PDE11A: variants seen among roughly 807,000 people sequenced by gnomAD.
PDE11A encodes phosphodiesterase 11A.
Under a neutral mutation model 100.5 loss-of-function variants are expected in PDE11A, and 100 were observed. The ratio of observed to expected loss-of-function variants is 1.00; its 90% CI spans 0.85 to 1.18. The LOEUF is 1.18. Ranked by LOEUF, PDE11A falls within the 50% of genes most tolerant of loss-of-function variation. PDE11A has a pLI of 0.00. For synonymous variants in PDE11A, 381 were observed against 420.8 expected, an observed-to-expected ratio of 0.91 and a Z score of 1.16; for missense variants, 1,141 against 1,152.6, an observed-to-expected ratio of 0.99 and a Z score of 0.15.
intron 12 of PDE11A, among the ~76,000 whole-genome samples, chr2:177,713,739 C>A (rs2081390818): frequency 6.6e-6 from 1 of 151,846 alleles, no homozygotes; most frequent in Non-Finnish European, 1.5e-5. Context: ...AACAAACAAA[C>A]AAACAAAAAA....
At chr2:177,636,329 T>C (rs1470578708) in intron 19 of PDE11A, among the ~76,000 whole-genome samples, 3 of 152,182 alleles carry the variant, frequency 2.0e-5, no homozygotes, top group Non-Finnish European at 4.4e-5. Flanking sequence ...ATCATAATCA[T>C]GTTGTCCAGA....
chr2:177,675,726 A>C, intron 16 of PDE11A: 1 of 689,030 alleles, frequency 1.5e-6, no homozygotes, highest in Non-Finnish European at 2.7e-6. Context: ...CAAAGCTCTC[A>C]CACATCCTCT....
At chr2:177,664,009 T>C in intron 18 of PDE11A, 60 bp from the exon 19 acceptor site, 1 of 1,005,758 alleles carries the variant, frequency 9.9e-7, no homozygotes, top group Non-Finnish European at 1.6e-6. Context: ...ACAGGGTGCT[T>C]TGTCAAACAC....
chr2:178,006,900 G>C (rs570226925), intron 2 of PDE11A, among the ~76,000 whole-genome samples: 2 of 152,154 alleles, frequency 1.3e-5, no homozygotes, highest in South Asian at 4.2e-4. Flanking sequence ...AATAAAGAAT[G>C]AAAGTATGCT....
At chr2:178,011,226 T>TC (rs2086270532) in intron 2 of PDE11A, among the ~76,000 whole-genome samples, 1 of 152,012 alleles carries the variant, frequency 6.6e-6, no homozygotes, top group African/African-American at 2.4e-5. Context: ...TGGCTCTGAG[T>TC]TGTAAGTATG....
chr2:177,685,500 C>T lies in PDE11A; in HGVS notation c.2346-4597G>A, dbSNP rs185384085. On this transcript the variant is annotated intron_variant, in intron 15 of 19. Coordinates refer to ENST00000286063, the MANE Select transcript of PDE11A (RefSeq NM_016953.4). Reference sequence around the variant, plus strand: ...TAACATCTTTGATGCAGAGTGAAAGCATGTTCCCTGTGTGACTAACTCATT... The same window carrying T: ...TAACATCTTTGATGCAGAGTGAAAGTATGTTCCCTGTGTGACTAACTCATT... Among the ~76,000 whole-genome samples, 333 of 152,278 alleles carry T rather than the reference C, an allele frequency of 2.2e-3. 2 individuals carry two copies. The highest frequency in any genetic ancestry group is 7.5e-3 in the African/African-American group (313 of 41,566).
intron 2 of PDE11A, among the ~76,000 whole-genome samples, chr2:177,960,919 G>T (rs1047975834): frequency 1.3e-4 from 20 of 152,120 alleles, no homozygotes; most frequent in African/African-American, 4.8e-4. Flanking sequence ...AGTTGATGCA[G>T]AACCACCGTC....
chr2:177,841,512 G>A (rs578201070), intron 5 of PDE11A, among the ~76,000 whole-genome samples: 27 of 152,238 alleles, frequency 1.8e-4, no homozygotes, highest in African/African-American at 6.0e-4. Context: ...TGTGCACATC[G>A]TCTTTGTTAT....
chr2:177,769,244 T>C (rs1176729014), intron 10 of PDE11A, 79 bp downstream of exon 10: 12 of 834,202 alleles, frequency 1.4e-5, no homozygotes, highest in Non-Finnish European at 2.1e-5. Flanking sequence ...ATTAATTCTC[T>C]AGAGGCATGT....
intron 19 of PDE11A, among the ~76,000 whole-genome samples, chr2:177,638,719 CT>C (rs370410435): frequency 2.0e-5 from 3 of 151,150 alleles, no homozygotes; most frequent in African/African-American, 2.4e-5. Context: ...CCAAAGCAGC[CT>C]TTTTTTTTGT....
intron 2 of PDE11A, among the ~76,000 whole-genome samples, chr2:177,928,616 A>G (rs2085163337): frequency 6.6e-6 from 1 of 152,240 alleles, no homozygotes; most frequent in Non-Finnish European, 1.5e-5. Flanking sequence ...AACTTTGTTT[A>G]AAATAACAGA....
At chr2:177,945,766 C>T (rs1318107799) in intron 2 of PDE11A, among the ~76,000 whole-genome samples, 43 of 150,252 alleles carry the variant, frequency 2.9e-4, no homozygotes, top group African/African-American at 8.3e-4. Context: ...CTGCCCCATC[C>T]GGGAGGGAGG....
intron 12 of PDE11A, among the ~76,000 whole-genome samples, chr2:177,720,940 C>T (rs1209796450): frequency 1.3e-5 from 2 of 152,066 alleles, no homozygotes; most frequent in Non-Finnish European, 2.9e-5. Context: ...ACCCTTTAGC[C>T]TCAACTACGG....
At chr2:177,637,994 T>C (rs867037967) in intron 19 of PDE11A, among the ~76,000 whole-genome samples, 22 of 50,274 alleles carry the variant, frequency 4.4e-4, no homozygotes, top group South Asian at 2.2e-3. Context: ...TATATATATA[T>C]ATATTTTTTT....
In PDE11A at chr2:177,958,495, G is replaced by A. The variant is rs547447685; in HGVS notation, c.1072-53308C>T. 3.9e-5 allele frequency among the ~76,000 whole-genome samples: 6 copies of A among 152,316 alleles called. No homozygotes were observed. In the South Asian group the frequency reaches 1.2e-3, roughly 32 times the overall value. On this transcript the variant is annotated intron_variant, in intron 2 of 19. Coordinates refer to ENST00000286063, the MANE Select transcript of PDE11A (RefSeq NM_016953.4). ...TACCTACAAATGGAAATAAGATAAGGCTGAGAGGGGTAAGTTATTCCCTTG... is the reference window on the plus strand; with the variant it reads ...TACCTACAAATGGAAATAAGATAAGACTGAGAGGGGTAAGTTATTCCCTTG...
rs1194994900 is a variant in PDE11A, at chr2:177,801,534, A to C, written c.1737+15295T>G. 2.6e-5 allele frequency among the ~76,000 whole-genome samples: 4 copies of C among 152,184 alleles called. No individual in the cohort carries two copies. The East Asian group carries it at 7.7e-4, about 29-fold the overall frequency. ...AATTTAAGCCCACATTGGAGTTAAT[A>C]AATATTTTTTAAATGCAAGAGCTCA... On this transcript the variant is annotated intron_variant, in intron 9 of 19. Transcript: ENST00000286063.
chr2:178,034,500 G>C (rs1488284015), intron 1 of PDE11A, among the ~76,000 whole-genome samples: 4 of 152,132 alleles, frequency 2.6e-5, no homozygotes, highest in Admixed American at 2.6e-4. Context: ...TTCAGGACTT[G>C]AACTCGGCTA....
chr2:177,728,813 A>C (rs1191215387), intron 10 of PDE11A, among the ~76,000 whole-genome samples: 1 of 152,134 alleles, frequency 6.6e-6, no homozygotes, highest in Non-Finnish European at 1.5e-5. Flanking sequence ...TTCTATATAA[A>C]CATCACAACA....
At chr2:177,947,304 G>A (rs2085455026) in intron 2 of PDE11A, among the ~76,000 whole-genome samples, 1 of 146,514 alleles carries the variant, frequency 6.8e-6, no homozygotes. Flanking sequence ...GGATGACAAT[G>A]GCGGCTTTGT....
Sources: gnomAD v4.1 joint callset for allele counts (sites outside exome capture counted in the v4.1 genomes callset) on GRCh38, gnomAD v4.1.1 for gene constraint, MANE v1.5 for transcripts, NCBI Gene and HGNC (gene_info 2026-07-23, HGNC 2026-07-21) for gene names.